PDE4DIP: variants seen among roughly 807,000 people sequenced by gnomAD.
PDE4DIP encodes the protein phosphodiesterase 4D interacting protein.
A neutral mutation model predicts 221.4 loss-of-function variants in PDE4DIP; 59 were observed. The ratio of observed to expected loss-of-function variants is 0.27; its 90% confidence interval spans 0.22 to 0.33. PDE4DIP has a LOEUF of 0.33. PDE4DIP is among the 10% of genes least tolerant of loss of function. The pLI is 1.00. For synonymous variants in PDE4DIP, 404 were observed against 815.9 expected, an observed-to-expected ratio of 0.50 and a Z score of 8.60; for missense variants, 1,036 against 2,154.2, an observed-to-expected ratio of 0.48 and a Z score of 10.28.
At chr1:148,953,216 G>A in intron 5 of PDE4DIP, 2 of 1,613,472 alleles carry the variant, frequency 1.2e-6, no homozygotes, top group South Asian at 1.1e-5. Flanking sequence ...GGAGAATGAG[G>A]ATCAGATCCA....
chr1:148,890,595 A>G (rs56284977), intron 1 of PDE4DIP, among the ~76,000 whole-genome samples: 11,561 of 108,644 alleles, frequency 0.11, 3 homozygotes, highest in Admixed American at 0.17. Context: ...CTCTACTTAA[A>G]AAGTACAAAA....
intron 41 of PDE4DIP, 24 bp from the exon 45 acceptor site, chr1:149,029,763 T>C: frequency 8.2e-7 from 1 of 1,222,324 alleles, no homozygotes; most frequent in East Asian, 2.4e-5. Context: ...GCCTGGTCAG[T>C]AAGAGTCTGT....
intron 5 of PDE4DIP, chr1:148,942,151 T>A (rs2050683595): frequency 6.6e-6 from 1 of 152,164 alleles, no homozygotes; most frequent in Admixed American, 6.5e-5. Flanking sequence ...TTACTCCACA[T>A]CCCACAGATA....
chr1:148,820,555 CAAAAAAAAAA>C (rs148261220), intron 1 of PDE4DIP, among the ~76,000 whole-genome samples: 8 of 39,376 alleles, frequency 2.0e-4, no homozygotes, highest in Admixed American at 3.5e-4. Context: ...AACTCCATCT[CAAAAAAAAAA>C]AAAAAAAAAA....
intron 19 of PDE4DIP, among the ~76,000 whole-genome samples, chr1:148,978,739 C>T (rs1422396711): frequency 5.3e-5 from 8 of 152,048 alleles, no homozygotes; most frequent in Non-Finnish European, 1.0e-4. Flanking sequence ...CACACCACCA[C>T]GCCCGGCTCA....
rs75842891 is a variant in PDE4DIP, at chr1:149,032,208, A to T, written c.*223A>T. ...GCCTTTCTGACGGCTATGGAATACG[A>T]TTAGCCAAGGTCCACTTGGCCCAGC... On this transcript the variant is annotated 3_prime_UTR_variant, in exon 44 of 44. Coordinates refer to ENST00000369354, the Ensembl canonical transcript of PDE4DIP. 8 of 782,662 alleles carry T rather than the reference A, an allele frequency of 1.0e-5. No homozygotes were observed. In the African/African-American group the frequency reaches 1.4e-4, roughly 14 times the overall value. The allele number at this position is 782,662 out of a possible 1,614,324, so 48.5% of individuals were successfully genotyped here. A position where few individuals can be genotyped will look rare whatever the true frequency, so the allele number is the denominator to read the frequency against.
At position 148,978,435 on chromosome 1, in the gene PDE4DIP, A is replaced by G. The variant is rs2060557088; in HGVS notation, c.2574+20A>G. ...CAACAGGTAAGTTACTGGAATATAA[A>G]CCTTATTTATTTATTTACATTTTTT... On this transcript the variant is annotated intron_variant, in intron 19 of 43. Coordinates refer to ENST00000369354, the Ensembl canonical transcript of PDE4DIP. 2.0e-6 allele frequency: 3 copies of G among 1,485,586 alleles called. No individual in the cohort carries two copies. The highest frequency in any genetic ancestry group is 2.2e-5 in the Admixed American group (1 of 46,164). The allele number at this position is 1,485,586 out of a possible 1,614,324, so 92.0% of individuals were successfully genotyped here.
chr1:148,830,271 A>G lies in PDE4DIP; in HGVS notation c.233+21534A>G, dbSNP rs1778747. On this transcript the variant is annotated intron_variant, in intron 1 of 45. Coordinates refer to the PDE4DIP transcript ENST00000524974. ...AATACTTCTGCTTTTTCCAAGAATT[A>G]TTTTCTCTTCTAAACTGCTCCTGGT... is the stretch of plus-strand genomic sequence containing the variant. 1.4e-3 allele frequency among the ~76,000 whole-genome samples: 31 copies of G among 21,732 alleles called. No individual in the cohort carries two copies. The Admixed American group carries it at 0.018, about 13-fold the overall frequency. The allele number at this position is 21,732 out of a possible 152,430, so 14.3% of individuals were successfully genotyped here.
intron 5 of PDE4DIP, chr1:148,953,528 C>T (rs1359587421): frequency 7.4e-6 from 12 of 1,614,088 alleles, no homozygotes; most frequent in Non-Finnish European, 9.3e-6. Flanking sequence ...TGCAAGCGTC[C>T]AGGCTAGCCC....
At chr1:148,990,202 A>G (rs1397469843) in intron 21 of PDE4DIP, 1 of 984,608 alleles carries the variant, frequency 1.0e-6, no homozygotes, top group African/African-American at 1.7e-5. Flanking sequence ...CAAACATGGG[A>G]GAAAAAGTTT....
At chr1:148,922,656 C>G (rs1573459174) in intron 1 of PDE4DIP, among the ~76,000 whole-genome samples, 2 of 149,038 alleles carry the variant, frequency 1.3e-5, no homozygotes, top group African/African-American at 4.9e-5. Flanking sequence ...GGCGCGATCT[C>G]AGCGCATTGC....
intron 38 of PDE4DIP, chr1:149,025,785 C>T (rs1553626798): frequency 2.0e-5 from 3 of 147,648 alleles, no homozygotes; most frequent in East Asian, 4.1e-4. Context: ...CTTGTAGATT[C>T]TCATTTATCT....
chr1:148,820,572 AAAAAAAAAGAAAG>A (rs1175558016), intron 1 of PDE4DIP, among the ~76,000 whole-genome samples: 7 of 139,962 alleles, frequency 5.0e-5, no homozygotes, highest in Non-Finnish European at 9.3e-5. Context: ...AAAAAAAAAA[AAAAAAAAAGAAAG>A]AAAGTAGTTG....
At chr1:148,991,519 G>A (rs1309600020) in intron 21 of PDE4DIP, 1 of 982,942 alleles carries the variant, frequency 1.0e-6, no homozygotes, top group Non-Finnish European at 1.2e-6. Context: ...AAAGGGTTAA[G>A]CATGTTGGAC....
chr1:148,979,109 C>T (rs2060686642), intron 19 of PDE4DIP, among the ~76,000 whole-genome samples: 1 of 151,846 alleles, frequency 6.6e-6, no homozygotes, highest in South Asian at 2.1e-4. Context: ...CCCATTTAAC[C>T]TTTCTTCAAT....
Position 149,018,559 on chromosome 1 carries a change from TA to T in PDE4DIP, c.5669del (p.Tyr1890SerfsTer29). ...TGGGACAGGATCCACTTCTAACTTC[TA>T]CAGTCAGGGCCTGGAGTCCATACCT... On this transcript the variant is annotated frameshift_variant, in exon 35 of 44. Coordinates refer to ENST00000369354, the Ensembl canonical transcript of PDE4DIP. LOFTEE classifies it high-confidence loss of function. 1.7e-6 allele frequency: 2 copies of T among 1,169,068 alleles called. No homozygotes were observed. Among genetic ancestry groups the T allele is most frequent in the Non-Finnish European group, 2.5e-6 (2 of 788,208 alleles). The allele number at this position is 1,169,068 out of a possible 1,614,324, so 72.4% of individuals were successfully genotyped here.
chr1:148,907,543 G>GA lies in PDE4DIP; in HGVS notation c.141+17654dup, dbSNP rs1363760187. On this transcript the variant is annotated intron_variant, in intron 1 of 43. Transcript: ENST00000369354. ...AAATTCTCTCAGCATTTGTTTGTCT[G>GA]AAAAATACTGTATCTTCTCTTCGTA... is the stretch of plus-strand genomic sequence containing the variant. Among the ~76,000 whole-genome samples, 3 of 149,718 alleles carry GA rather than the reference G, an allele frequency of 2.0e-5. No individual in the cohort carries two copies. In the East Asian group the frequency reaches 5.9e-4, roughly 29 times the overall value.
At chr1:149,029,507 G>A (rs587723558) in intron 41 of PDE4DIP, among the ~76,000 whole-genome samples, 7 of 152,304 alleles carry the variant, frequency 4.6e-5, no homozygotes, top group Admixed American at 3.9e-4. Context: ...CCTCTTCAGA[G>A]TTGGGAGTTT....
intron 1 of PDE4DIP, among the ~76,000 whole-genome samples, chr1:148,829,119 C>T (rs587715675): frequency 3.5e-4 from 51 of 145,800 alleles, no homozygotes; most frequent in African/African-American, 1.2e-3. Context: ...CCCTAGACCT[C>T]CAGCCAGCAA....
Sources: allele counts gnomAD v4.1 joint callset (sites outside exome capture counted in the v4.1 genomes callset), GRCh38; gene constraint gnomAD v4.1.1; transcripts MANE v1.5; gene names NCBI Gene and HGNC (gene_info 2026-07-23, HGNC 2026-07-21).